Variants in COBLL1 observed in about 807,000 individuals in gnomAD.
The protein encoded by COBLL1 is cordon-bleu WH2 repeat protein like 1, also known as cordon-bleu protein-like 1.
In COBLL1, 50 loss-of-function variants were observed where a neutral mutation model predicts 94.8. That is an observed-to-expected ratio of 0.53 (90% confidence interval 0.42 to 0.67). The LOEUF is 0.67. Ranked by LOEUF, COBLL1 falls within the 30% of genes least tolerant of loss-of-function variation. The pLI is 0.00. For missense variants in COBLL1, 1,362 were observed against 1,348.7 expected (o/e 1.01, Z -0.15); for synonymous variants, 448 against 473.8 (o/e 0.95, Z 0.71).
intron 2 of COBLL1, among the ~76,000 whole-genome samples, chr2:164,824,107 C>T (rs1574656798): frequency 6.6e-6 from 1 of 152,140 alleles, no homozygotes; most frequent in East Asian, 1.9e-4. Flanking sequence ...TAGGGCCGGG[C>T]GCAGTGGCTC....
chr2:164,789,228 G>A (rs1361614284), intron 2 of COBLL1, among the ~76,000 whole-genome samples: 2 of 152,062 alleles, frequency 1.3e-5, no homozygotes, highest in African/African-American at 4.8e-5. Context: ...TAGGGTATTA[G>A]ATTGGTCATA....
At chr2:164,729,146 G>A (rs1197457585) in intron 4 of COBLL1, among the ~76,000 whole-genome samples, 3 of 151,434 alleles carry the variant, frequency 2.0e-5, no homozygotes, top group African/African-American at 7.3e-5. Flanking sequence ...ATTGTAGAAA[G>A]CAAGTATGTT....
At chr2:164,728,723 C>T (rs1227165553) in intron 4 of COBLL1, among the ~76,000 whole-genome samples, 3 of 151,852 alleles carry the variant, frequency 2.0e-5, no homozygotes, top group African/African-American at 4.8e-5. Context: ...AGTCATTTAT[C>T]AATAAGAGAA....
chr2:164,771,081 C>A (rs1433959251), intron 2 of COBLL1, among the ~76,000 whole-genome samples: 1 of 151,972 alleles, frequency 6.6e-6, no homozygotes, highest in Non-Finnish European at 1.5e-5. Flanking sequence ...TTGCCTTCTA[C>A]CACTTTTCTT....
chr2:164,813,286 T>C (rs1684547953), intron 2 of COBLL1, among the ~76,000 whole-genome samples: 1 of 152,138 alleles, frequency 6.6e-6, no homozygotes, highest in African/African-American at 2.4e-5. Flanking sequence ...CTCTTAGTAA[T>C]GCACTTATTT....
At chr2:164,746,144 C>T (rs929880869) in intron 2 of COBLL1, among the ~76,000 whole-genome samples, 7 of 152,156 alleles carry the variant, frequency 4.6e-5, no homozygotes, top group African/African-American at 1.7e-4. Context: ...AATCCATCTA[C>T]AAATTCCGCC....
intron 2 of COBLL1, chr2:164,779,875 C>G (rs1688654140): frequency 2.7e-6 from 1 of 373,318 alleles, no homozygotes; most frequent in South Asian, 2.1e-5. Context: ...AGGTATGAGA[C>G]ATGGGTCAGG....
At chr2:164,690,780 A>G (rs934983494) in intron 13 of COBLL1, among the ~76,000 whole-genome samples, 18 of 152,052 alleles carry the variant, frequency 1.2e-4, no homozygotes, top group African/African-American at 4.3e-4. Flanking sequence ...CTAGTACAAT[A>G]TTTGTTACTT....
chr2:164,820,269 G>C (rs570948240), intron 2 of COBLL1, among the ~76,000 whole-genome samples: 2 of 152,290 alleles, frequency 1.3e-5, no homozygotes, highest in Admixed American at 6.5e-5. Context: ...GCCCAGGCTA[G>C]TATGCAGTAG....
intron 2 of COBLL1, among the ~76,000 whole-genome samples, chr2:164,784,263 A>G (rs182860769): frequency 1.1e-4 from 17 of 152,320 alleles, no homozygotes; most frequent in African/African-American, 4.1e-4. Flanking sequence ...CCACAAAGGG[A>G]GTAGTATCAC....
At chr2:164,664,972 T>C (rs1250665911) in intron 2 of COBLL1, among the ~76,000 whole-genome samples, 1 of 151,912 alleles carries the variant, frequency 6.6e-6, no homozygotes, top group Non-Finnish European at 1.5e-5. Flanking sequence ...AAAGAAAAAG[T>C]ACATGAGAGA....
intron 2 of COBLL1, chr2:164,840,804 C>A (rs900254143): frequency 2.0e-4 from 45 of 223,858 alleles, no homozygotes; most frequent in African/African-American, 9.1e-5. Context: ...GCCCTCCCTC[C>A]CCAGGAGCTC....
At chr2:164,723,477 A>G (rs1685558946) in intron 5 of COBLL1, 1 of 152,156 alleles carries the variant, frequency 6.6e-6, no homozygotes, top group Admixed American at 6.5e-5. Context: ...AGAATCTACA[A>G]GATAAACTTG....
intron 2 of COBLL1, among the ~76,000 whole-genome samples, chr2:164,760,127 C>A (rs1174199954): frequency 6.6e-6 from 1 of 152,096 alleles, no homozygotes; most frequent in Non-Finnish European, 1.5e-5. Flanking sequence ...TTCATAAAGA[C>A]CCAAACTGGA....
chr2:164,675,784 T>G (rs569862679), downstream of COBLL1, among the ~76,000 whole-genome samples: 1 of 152,178 alleles, frequency 6.6e-6, no homozygotes, highest in Non-Finnish European at 1.5e-5. Flanking sequence ...ACATGGGTAT[T>G]CTTTATGGTA....
In COBLL1 at chr2:164,695,334, CA is replaced by C; in HGVS notation, c.2057del (p.Leu686CysfsTer4). 6.2e-7 allele frequency: 1 copy of C among 1,613,876 alleles called. No individual in the cohort carries two copies. Among genetic ancestry groups the C allele is most frequent in the East Asian group, 2.2e-5 (1 of 44,846 alleles). ...PICAHGNDDLLPPVDRIDKNS... is the reference protein window; with the variant it reads ...PICAHGNDDLXPPVDRIDKNS... ...TTTTGTCAATCCTATCTACAGGAGG[CA>C]AAAGATCATCATTACCATGTGCACA... On this transcript the variant is annotated frameshift_variant, in exon 12 of 14. Coordinates refer to ENST00000652658, the MANE Select transcript of COBLL1 (RefSeq NM_001365672.2). LOFTEE classifies it high-confidence loss of function.
chr2:164,839,522 C>T (rs1033078287), intron 2 of COBLL1, among the ~76,000 whole-genome samples: 2 of 152,234 alleles, frequency 1.3e-5, no homozygotes, highest in African/African-American at 4.8e-5. Flanking sequence ...AACACAGAGC[C>T]ATCTGACCTC....
intron 3 of COBLL1, among the ~76,000 whole-genome samples, chr2:164,738,597 A>G (rs1380897390): frequency 6.6e-6 from 1 of 152,242 alleles, no homozygotes; most frequent in Non-Finnish European, 1.5e-5. Flanking sequence ...CTAGAAAGGC[A>G]AGGAACTGCT....
chr2:164,833,131 A>C (rs2105385793), intron 2 of COBLL1, among the ~76,000 whole-genome samples: 1 of 152,146 alleles, frequency 6.6e-6, no homozygotes, highest in Non-Finnish European at 1.5e-5. Flanking sequence ...GGCTGAGGCG[A>C]GTGAGGCGAG....
Sources: gnomAD v4.1 joint callset for allele counts (sites outside exome capture counted in the v4.1 genomes callset) on GRCh38, gnomAD v4.1.1 for gene constraint, MANE v1.5 for transcripts, NCBI Gene and HGNC (gene_info 2026-07-23, HGNC 2026-07-21) for gene names.